The following WDR70 variants were observed in gnomAD, a reference collection of about 807,000 sequenced individuals.
WDR70 encodes the protein WD repeat-containing protein 70.
In WDR70, 53 loss-of-function variants were observed where a neutral mutation model predicts 88.6. The observed-to-expected ratio is 0.60, with a 90% CI of 0.48 to 0.75. WDR70 has a LOEUF of 0.75. Ranked by LOEUF, WDR70 falls within the 30% of genes least tolerant of loss-of-function variation. The pLI is 0.00. For missense variants in WDR70, 610 were observed against 823.2 expected, an observed-to-expected ratio of 0.74 and a Z score of 3.17; for synonymous variants, 280 against 270.0, an observed-to-expected ratio of 1.04 and a Z score of -0.36.
At chr5:37,501,865 G>A (rs540480100) in intron 8 of WDR70, among the ~76,000 whole-genome samples, 24 of 152,182 alleles carry the variant, frequency 1.6e-4, no homozygotes, top group East Asian at 3.9e-4. Context: ...ATAATTTGGA[G>A]TTAGGTAATG....
chr5:37,721,058 G>A, intron 13 of WDR70, 57 bp from the exon 14 acceptor site: 1 of 1,460,262 alleles, frequency 6.8e-7, no homozygotes, highest in Admixed American at 1.7e-5. Flanking sequence ...GTACCAGCAG[G>A]ATTGTTTCCA....
intron 12 of WDR70, 89 bp from the exon 13 acceptor site, chr5:37,702,860 A>C: frequency 1.5e-6 from 2 of 1,363,792 alleles, no homozygotes; most frequent in Non-Finnish European, 2.0e-6. Context: ...GGAGTTACAG[A>C]GATGTTTATA....
At chr5:37,597,808 A>G (rs1743747238) in intron 9 of WDR70, among the ~76,000 whole-genome samples, 2 of 152,200 alleles carry the variant, frequency 1.3e-5, no homozygotes, top group Admixed American at 1.3e-4. Flanking sequence ...TATTTTCTTT[A>G]CAAATTACCC....
At chr5:37,414,486 C>G (rs1176056526) in intron 5 of WDR70, among the ~76,000 whole-genome samples, 1 of 152,182 alleles carries the variant, frequency 6.6e-6, no homozygotes, top group Non-Finnish European at 1.5e-5. Flanking sequence ...CCCCTGCTCC[C>G]CATCCCACCT....
intron 10 of WDR70, among the ~76,000 whole-genome samples, chr5:37,696,620 A>G (rs1746990111): frequency 6.6e-6 from 1 of 152,188 alleles, no homozygotes; most frequent in African/African-American, 2.4e-5. Context: ...GCCCAGAACC[A>G]TTGTGTAATT....
intron 9 of WDR70, among the ~76,000 whole-genome samples, chr5:37,586,712 C>T (rs983325151): frequency 3.9e-5 from 6 of 152,092 alleles, no homozygotes; most frequent in African/African-American, 7.2e-5. Flanking sequence ...TCCCTCTCCT[C>T]GTATCCCTTT....
intron 10 of WDR70, among the ~76,000 whole-genome samples, chr5:37,689,424 C>T (rs1315982829): frequency 1.3e-5 from 2 of 152,196 alleles, no homozygotes; most frequent in Admixed American, 6.5e-5. Context: ...CTGGGAGACA[C>T]CTCCCAGTAG....
At chr5:37,509,874 A>G (rs1475621140) in intron 8 of WDR70, among the ~76,000 whole-genome samples, 2 of 150,558 alleles carry the variant, frequency 1.3e-5, no homozygotes, top group South Asian at 4.2e-4. Context: ...TAGCCTGTGC[A>G]GTATAGCAGA....
intron 9 of WDR70, among the ~76,000 whole-genome samples, chr5:37,585,094 G>C (rs1219391270): frequency 6.6e-6 from 1 of 150,952 alleles, no homozygotes; most frequent in Non-Finnish European, 1.5e-5. Context: ...AGGTTCAAGT[G>C]ATTCTCCTGC....
intron 9 of WDR70, among the ~76,000 whole-genome samples, chr5:37,525,847 A>G (rs1200256714): frequency 6.6e-6 from 1 of 152,256 alleles, no homozygotes; most frequent in Non-Finnish European, 1.5e-5. Context: ...AGAGAATACT[A>G]TAAACACCTC....
chr5:37,564,274 G>A lies in WDR70; in HGVS notation c.918-40790G>A, dbSNP rs567781112. On this transcript the variant is annotated intron_variant, in intron 9 of 17. Coordinates refer to ENST00000265107, the MANE Select transcript of WDR70 (RefSeq NM_018034.4). ...TGAACGCGACTCCGTCTGCCATCCC[G>A]GCACCTCGGGAGGCCGAGGCTGGCA... Among the ~76,000 whole-genome samples, 480 of 152,328 alleles carry A rather than the reference G, an allele frequency of 3.2e-3. 1 individual carries two copies. Among genetic ancestry groups the A allele is most frequent in the African/African-American group, 0.011 (448 of 41,586 alleles).
intron 9 of WDR70, 132 bp from the exon 10 acceptor site, chr5:37,604,932 T>C: frequency 1.3e-6 from 1 of 790,028 alleles, no homozygotes; most frequent in Non-Finnish European, 1.9e-6. Context: ...CATGTCTTAT[T>C]TTATTTTAAA....
chr5:37,735,290 G>A (rs1320408435), intron 17 of WDR70, among the ~76,000 whole-genome samples: 1 of 152,068 alleles, frequency 6.6e-6, no homozygotes. Context: ...ATATTTTTCT[G>A]CATTAGAGAT....
At chr5:37,469,759 TC>T (rs941476715) in intron 7 of WDR70, among the ~76,000 whole-genome samples, 5 of 152,176 alleles carry the variant, frequency 3.3e-5, no homozygotes, top group Non-Finnish European at 7.4e-5. Context: ...GGTGAACAGC[TC>T]TTCTTAGTAT....
intron 9 of WDR70, among the ~76,000 whole-genome samples, chr5:37,557,957 A>ACTCT: frequency 1.5e-3 from 203 of 138,970 alleles, no homozygotes; most frequent in Middle Eastern, 3.9e-3. Context: ...TCAAAAGAGT[A>ACTCT]TTATGTATAT....
intron 3 of WDR70, among the ~76,000 whole-genome samples, chr5:37,384,411 G>C (rs1748538391): frequency 6.6e-6 from 1 of 151,840 alleles, no homozygotes; most frequent in South Asian, 2.1e-4. Flanking sequence ...GATCACGCCT[G>C]TAATCCCAGC....
Position 37,707,951 on chromosome 5 carries a change from ATATATATATATATATATATATAT to A in WDR70, c.1416+4865_1416+4887del, listed in dbSNP as rs1747404719. Among the ~76,000 whole-genome samples, 5 of 20,012 alleles carry A rather than the reference ATATATATATATATATATATATAT, an allele frequency of 2.5e-4. 1 individual carries two copies. The highest frequency in any genetic ancestry group is 3.1e-4 in the Non-Finnish European group (4 of 12,716). The allele number at this position is 20,012 out of a possible 152,430, so 13.1% of individuals were successfully genotyped here. ...AAAAAAAAAAAAAAAAAAAAAAAAT[ATATATATATATATATATATATAT>A]ATATATATATATATATATAGTTGAT... is the stretch of plus-strand genomic sequence containing the variant. On this transcript the variant is annotated intron_variant, in intron 13 of 17. Transcript: ENST00000265107.
In WDR70 at chr5:37,670,953, G is replaced by A. The variant is rs187035942; in HGVS notation, c.1093-26702G>A. On this transcript the variant is annotated intron_variant, in intron 10 of 17. Coordinates refer to ENST00000265107, the MANE Select transcript of WDR70 (RefSeq NM_018034.4). ...ATATGACAGTTCTATACTTGTATCC[G>A]CATTGTCCTTCCTACAGGTCTCTAA... is the stretch of plus-strand genomic sequence containing the variant. 1.6e-4 allele frequency among the ~76,000 whole-genome samples: 24 copies of A among 152,252 alleles called. No individual in the cohort carries two copies. The East Asian group carries it at 3.3e-3, about 21-fold the overall frequency.
At chr5:37,477,028 G>A (rs1739507559) in intron 7 of WDR70, among the ~76,000 whole-genome samples, 1 of 152,164 alleles carries the variant, frequency 6.6e-6, no homozygotes, top group African/African-American at 2.4e-5. Flanking sequence ...TCAAACCTTT[G>A]TTGTTCAAGT....
Sources: gnomAD v4.1 joint callset for allele counts (sites outside exome capture counted in the v4.1 genomes callset) on GRCh38, gnomAD v4.1.1 for gene constraint, MANE v1.5 for transcripts, NCBI Gene and HGNC (gene_info 2026-07-23, HGNC 2026-07-21) for gene names.